COL4A1: variants seen among roughly 807,000 people sequenced by gnomAD.
COL4A1 encodes the protein collagen alpha-1(IV) chain.
A neutral mutation model predicts 216.6 loss-of-function variants in COL4A1; 40 were observed. The ratio of observed to expected loss-of-function variants is 0.18; its 90% CI spans 0.14 to 0.24. COL4A1 has a LOEUF of 0.24. Ranked by LOEUF, COL4A1 falls within the 10% of genes least tolerant of loss-of-function variation. The pLI, the probability that COL4A1 is intolerant of heterozygous loss-of-function variation, is 1.00. For missense variants in COL4A1, 1,628 were observed against 2,196.8 expected (o/e 0.74, Z 5.18); for synonymous variants, 839 against 810.7 (o/e 1.03, Z -0.59).
intron 1 of COL4A1, among the ~76,000 whole-genome samples, chr13:110,254,232 T>C (rs1010104922): frequency 3.6e-4 from 55 of 152,294 alleles, no homozygotes; most frequent in African/African-American, 1.3e-3. Flanking sequence ...GGAAGTGCAC[T>C]GCATATTGTC....
At chr13:110,218,236 G>C (rs1956930412) in intron 2 of COL4A1, among the ~76,000 whole-genome samples, 1 of 152,162 alleles carries the variant, frequency 6.6e-6, no homozygotes, top group Non-Finnish European at 1.5e-5. Flanking sequence ...GGCTGACATG[G>C]AATCCATATC....
intron 43 of COL4A1, 85 bp downstream of exon 43, chr13:110,169,531 TATACATACACAAA>T: frequency 1.5e-6 from 2 of 1,319,574 alleles, no homozygotes; most frequent in South Asian, 1.2e-5. Context: ...CACACATATA[TATACATACACAAA>T]ATACATACAC....
chr13:110,215,119 G>C (rs186852915), intron 2 of COL4A1, among the ~76,000 whole-genome samples: 57 of 152,334 alleles, frequency 3.7e-4, no homozygotes, highest in Admixed American at 1.6e-3. Flanking sequence ...TTCTGTGATG[G>C]AGCCTCCAAG....
At position 110,253,361 on chromosome 13, in the gene COL4A1, TTAC is replaced by T. The variant is rs1256975839; in HGVS notation, c.85-10630_85-10628del. ...TTACATATACATATAATTATATGTA[TTAC>T]ATATACATATAATTATATGTATTAC... On this transcript the variant is annotated intron_variant, in intron 1 of 51. Transcript: ENST00000375820. 8.2e-4 allele frequency among the ~76,000 whole-genome samples: 28 copies of T among 34,006 alleles called. 6 individuals carry two copies. The highest frequency in any genetic ancestry group is 2.1e-3 in the East Asian group (2 of 966). The allele number at this position is 34,006 out of a possible 152,430, so 22.3% of individuals were successfully genotyped here.
intron 50 of COL4A1, among the ~76,000 whole-genome samples, chr13:110,154,578 A>G (rs377669422): frequency 1.2e-4 from 18 of 152,370 alleles, no homozygotes; most frequent in East Asian, 1.2e-3. Flanking sequence ...CACTCCATGT[A>G]AAGAGGCTGG....
intron 1 of COL4A1, among the ~76,000 whole-genome samples, chr13:110,248,568 C>T (rs548636569): frequency 9.9e-5 from 15 of 151,842 alleles, no homozygotes; most frequent in Non-Finnish European, 2.2e-4. Flanking sequence ...GTCGGCTCAC[C>T]GCAACCTCTG....
intron 1 of COL4A1, among the ~76,000 whole-genome samples, chr13:110,304,213 G>A (rs966769660): frequency 4.6e-5 from 7 of 152,114 alleles, no homozygotes; most frequent in Admixed American, 1.3e-4. Flanking sequence ...GATCCTGGGC[G>A]ATGCTGCTCT....
chr13:110,232,032 G>A (rs1212235439), intron 2 of COL4A1, among the ~76,000 whole-genome samples: 1 of 152,164 alleles, frequency 6.6e-6, no homozygotes, highest in Non-Finnish European at 1.5e-5. Flanking sequence ...ACCGTACCAA[G>A]GGTCTTTAAC....
chr13:110,249,354 G>A (rs541426361), intron 1 of COL4A1, among the ~76,000 whole-genome samples: 11 of 152,046 alleles, frequency 7.2e-5, no homozygotes, highest in African/African-American at 2.4e-4. Context: ...AAAAAGGGAC[G>A]TGCTTAAGCC....
chr13:110,191,810 G>C (rs1878642130), intron 24 of COL4A1, among the ~76,000 whole-genome samples: 1 of 152,188 alleles, frequency 6.6e-6, no homozygotes, highest in Non-Finnish European at 1.5e-5. Context: ...GATCTGATAT[G>C]ATGTTACCAG....
chr13:110,306,970 C>A lies in COL4A1; in HGVS notation c.58G>T (p.Glu20Ter). ...TTCGCAGCGGCCCGGCTGTGCTCCT[C>A]GTGGAGCAGAAGGGCGGCGGGCAGC... ...LLLPAALLLHEEHSRAAAKGG... is the reference protein window; with the variant it reads ...LLLPAALLLH The change falls in exon 1 of 52, where the codon GAG (glutamate) becomes TAG (stop). Residue 20 changes from glutamate to a stop codon, truncating the protein, a stop_gained. Coordinates refer to ENST00000375820, the MANE Select transcript of COL4A1 (RefSeq NM_001845.6). LOFTEE classifies it high-confidence loss of function. 6.8e-7 allele frequency: 1 copy of A among 1,475,596 alleles called. No homozygotes were observed. Among genetic ancestry groups the A allele is most frequent in the Non-Finnish European group, 8.9e-7 (1 of 1,118,622 alleles). 91.4% of individuals were successfully genotyped at this position (1,475,596 alleles called of 1,614,324 possible). A position where few individuals can be genotyped will look rare whatever the true frequency, so the allele number is the denominator to read the frequency against.
intron 2 of COL4A1, among the ~76,000 whole-genome samples, chr13:110,238,444 C>A (rs982310758): frequency 2.6e-5 from 4 of 152,190 alleles, no homozygotes; most frequent in African/African-American, 9.7e-5. Flanking sequence ...GTACGTGTGA[C>A]AGAAGAACCT....
intron 20 of COL4A1, among the ~76,000 whole-genome samples, chr13:110,199,146 C>T (rs1252738125): frequency 1.3e-5 from 2 of 152,182 alleles, no homozygotes; most frequent in Non-Finnish European, 2.9e-5. Context: ...GCCACTGTAA[C>T]TCTGTAAGGG....
chr13:110,304,041 A>G (rs1157139033), intron 1 of COL4A1, among the ~76,000 whole-genome samples: 1 of 152,254 alleles, frequency 6.6e-6, no homozygotes, highest in Non-Finnish European at 1.5e-5. Flanking sequence ...GTGACTATTA[A>G]TAATATATAG....
intron 1 of COL4A1, among the ~76,000 whole-genome samples, chr13:110,301,800 T>C (rs116180035): frequency 1.1e-3 from 163 of 151,914 alleles, no homozygotes; most frequent in African/African-American, 3.6e-3. Flanking sequence ...ACCAAAGCCG[T>C]ATGTCGAGGA....
chr13:110,179,767 C>T (rs1046368248), intron 29 of COL4A1, among the ~76,000 whole-genome samples: 2 of 152,140 alleles, frequency 1.3e-5, no homozygotes, highest in African/African-American at 4.8e-5. Flanking sequence ...CCTGAGTAAC[C>T]GGTAAAATGC....
Position 110,150,059 on chromosome 13 carries a change from T to G in COL4A1, c.*304A>C, listed in dbSNP as rs1876427285. The G allele has an allele frequency of 2.4e-6, 1 of 421,038 alleles. No individual in the cohort carries two copies. Among genetic ancestry groups the G allele is most frequent in the Admixed American group, 3.5e-5 (1 of 28,550 alleles). The allele number at this position is 421,038 out of a possible 1,614,324, so 26.1% of individuals were successfully genotyped here. A position where few individuals can be genotyped will look rare whatever the true frequency, so the allele number is the denominator to read the frequency against. The stretch of plus-strand genomic sequence containing the variant: ...GGCACCCACACCTCCTAGCACCCTT[T>G]GGTTTTCTGATGGAGTTCTCACTTC... On this transcript the variant is annotated 3_prime_UTR_variant, in exon 52 of 52. Coordinates refer to ENST00000375820, the MANE Select transcript of COL4A1 (RefSeq NM_001845.6).
At chr13:110,235,447 G>A (rs1472075004) in intron 2 of COL4A1, among the ~76,000 whole-genome samples, 2 of 152,010 alleles carry the variant, frequency 1.3e-5, no homozygotes, top group Non-Finnish European at 2.9e-5. Context: ...TCAGGAGATC[G>A]AGACCTTCCT....
intron 1 of COL4A1, among the ~76,000 whole-genome samples, chr13:110,290,562 T>A (rs911263900): frequency 5.9e-5 from 9 of 152,114 alleles, no homozygotes; most frequent in African/African-American, 2.2e-4. Flanking sequence ...ACTCGCAAAC[T>A]ACTCATCAAC....
Sources: allele counts gnomAD v4.1 joint callset (sites outside exome capture counted in the v4.1 genomes callset), GRCh38; gene constraint gnomAD v4.1.1; transcripts MANE v1.5; gene names NCBI Gene and HGNC (gene_info 2026-07-23, HGNC 2026-07-21).